The following ERP44 variants were observed in gnomAD, a reference collection of about 807,000 sequenced individuals.
ERP44 encodes endoplasmic reticulum resident protein 44.
Under a neutral mutation model 53.4 loss-of-function variants are expected in ERP44, and 25 were observed. The ratio of observed to expected loss-of-function variants is 0.47; its 90% CI spans 0.34 to 0.65. The LOEUF (loss-of-function observed/expected upper bound fraction) is 0.65. ERP44 is among the 30% of genes least tolerant of loss of function. ERP44 has a pLI of 0.01. For synonymous variants in ERP44, 145 were observed against 161.2 expected, an observed-to-expected ratio of 0.90 and a Z score of 0.76; for missense variants, 338 against 493.2, an observed-to-expected ratio of 0.69 and a Z score of 2.98.
intron 4 of ERP44, among the ~76,000 whole-genome samples, chr9:100,039,917 T>C (rs1290020261): frequency 3.3e-5 from 5 of 152,098 alleles, no homozygotes; most frequent in Non-Finnish European, 7.4e-5. Flanking sequence ...TTGGAAAATC[T>C]AGAAGAAACT....
chr9:99,991,929 A>C (rs1385808024), intron 10 of ERP44, among the ~76,000 whole-genome samples: 2 of 152,238 alleles, frequency 1.3e-5, no homozygotes, highest in African/African-American at 4.8e-5. Flanking sequence ...GAAATGGATA[A>C]ATTCCTGGAT....
chr9:100,098,775 C>A lies in ERP44; in HGVS notation c.57+9G>T, dbSNP rs577880811. On this transcript the variant is annotated intron_variant, in intron 1 of 11. Coordinates refer to ENST00000262455, the MANE Select transcript of ERP44 (RefSeq NM_015051.3). ...CGTTTGTCGATGGGTCTGTCATTCC[C>A]TCACTCACCAGGAGCAGAAGGGAGC... 9.3e-6 allele frequency: 15 copies of A among 1,612,968 alleles called. No homozygotes were observed. In the Middle Eastern group the frequency reaches 9.9e-4, roughly 106 times the overall value.
At chr9:100,079,411 T>TTTAC (rs1826395573) in intron 1 of ERP44, among the ~76,000 whole-genome samples, 2 of 98,998 alleles carry the variant, frequency 2.0e-5, no homozygotes, top group South Asian at 7.5e-4. Context: ...TAAACTCCCC[T>TTTAC]TTACACACAC....
chr9:100,069,466 A>T (rs1365574202), intron 1 of ERP44, among the ~76,000 whole-genome samples: 1 of 152,192 alleles, frequency 6.6e-6, no homozygotes, highest in Non-Finnish European at 1.5e-5. Flanking sequence ...AAAGATATTT[A>T]CTAAGGCTGT....
intron 8 of ERP44, among the ~76,000 whole-genome samples, chr9:100,015,558 C>T (rs1450694273): frequency 6.6e-6 from 1 of 152,178 alleles, no homozygotes; most frequent in African/African-American, 2.4e-5. Flanking sequence ...TACCTGCTTT[C>T]ATTATTTATA....
chr9:100,030,467 T>A (rs1029050570), intron 4 of ERP44, among the ~76,000 whole-genome samples: 3 of 152,136 alleles, frequency 2.0e-5, no homozygotes, highest in African/African-American at 7.2e-5. Flanking sequence ...AAGAGTGGGT[T>A]AAAGGCCCCT....
At chr9:100,094,016 T>C (rs1826594626) in intron 1 of ERP44, among the ~76,000 whole-genome samples, 1 of 152,214 alleles carries the variant, frequency 6.6e-6, no homozygotes, top group African/African-American at 2.4e-5. Flanking sequence ...CCTTTTGCCC[T>C]AGCAACTGCA....
intron 4 of ERP44, among the ~76,000 whole-genome samples, chr9:100,035,684 A>T (rs905368246): frequency 2.0e-5 from 3 of 151,976 alleles, no homozygotes; most frequent in African/African-American, 7.3e-5. Context: ...TTAAAAAAAT[A>T]AGAATAAAAA....
intron 11 of ERP44, among the ~76,000 whole-genome samples, chr9:99,984,333 CTT>C (rs1001541295): frequency 2.0e-5 from 3 of 151,522 alleles, no homozygotes; most frequent in African/African-American, 7.3e-5. Flanking sequence ...AAAATGCAAA[CTT>C]AGGGCTGTTT....
chr9:100,014,971 C>T (rs1409304740), intron 8 of ERP44, among the ~76,000 whole-genome samples: 1 of 152,228 alleles, frequency 6.6e-6, no homozygotes, highest in African/African-American at 2.4e-5. Context: ...GTCTTCTAGG[C>T]TGCAGACTGC....
At chr9:100,080,579 T>C (rs1369237627) in intron 1 of ERP44, among the ~76,000 whole-genome samples, 1 of 152,046 alleles carries the variant, frequency 6.6e-6, no homozygotes, top group African/African-American at 2.4e-5. Context: ...ACATAATATG[T>C]ATGATGCATA....
chr9:100,068,166 C>G (rs1213636931), intron 1 of ERP44, among the ~76,000 whole-genome samples: 1 of 146,204 alleles, frequency 6.8e-6, no homozygotes, highest in Non-Finnish European at 1.5e-5. Flanking sequence ...AAGTGAGGAG[C>G]CCCTCTCCCC....
intron 4 of ERP44, among the ~76,000 whole-genome samples, chr9:100,044,125 T>A (rs1418388715): frequency 6.6e-6 from 1 of 152,210 alleles, no homozygotes; most frequent in Non-Finnish European, 1.5e-5. Context: ...GGGTATAAAC[T>A]ATGGCAGTAT....
rs571667377 is a variant in ERP44 at position 100,034,473 on chromosome 9, T to A, written c.287-12247A>T. On this transcript the variant is annotated intron_variant, in intron 4 of 11. Coordinates refer to ENST00000262455, the MANE Select transcript of ERP44 (RefSeq NM_015051.3). The stretch of plus-strand genomic sequence containing the variant: ...TATAATAAAGAAGTAACCATAAAAA[T>A]AGCCAGCCAGCAGCCCTTGCGGCTG... Among the ~76,000 whole-genome samples, 4 of 152,240 alleles carry A rather than the reference T, an allele frequency of 2.6e-5. No homozygotes were observed. The South Asian group carries it at 8.3e-4, about 32-fold the overall frequency.
chr9:99,999,823 T>C (rs1830358832), intron 10 of ERP44, among the ~76,000 whole-genome samples: 1 of 152,222 alleles, frequency 6.6e-6, no homozygotes, highest in Non-Finnish European at 1.5e-5. Flanking sequence ...TATGTTAATG[T>C]CTTTAATCTA....
Position 99,981,537 on chromosome 9 carries a change from C to A in ERP44, c.*1075G>T, listed in dbSNP as rs972525705. ...TGTCTGTCCTCTGGCACTGGGCTTC[C>A]TGATATGACACTGAGGGTCCTCTCC... On this transcript the variant is annotated 3_prime_UTR_variant, in exon 12 of 12. Coordinates refer to ENST00000262455, the MANE Select transcript of ERP44 (RefSeq NM_015051.3). 2.6e-5 allele frequency: 4 copies of A among 152,590 alleles called. No individual in the cohort carries two copies. The highest frequency in any genetic ancestry group is 5.9e-5 in the Non-Finnish European group (4 of 68,046). The allele number at this position is 152,590 out of a possible 1,614,324, so 9.5% of individuals were successfully genotyped here.
intron 10 of ERP44, among the ~76,000 whole-genome samples, chr9:99,992,657 T>C (rs1830268226): frequency 6.6e-6 from 1 of 152,184 alleles, no homozygotes; most frequent in South Asian, 2.1e-4. Flanking sequence ...GTGTTGGAAG[T>C]TCTGGCCACG....
At chr9:100,091,786 T>C (rs1052470309) in intron 1 of ERP44, among the ~76,000 whole-genome samples, 8 of 152,206 alleles carry the variant, frequency 5.3e-5, no homozygotes, top group African/African-American at 1.7e-4. Flanking sequence ...ATGAATCATC[T>C]GGGTATAAGT....
intron 10 of ERP44, among the ~76,000 whole-genome samples, chr9:100,006,210 C>A (rs926327694): frequency 6.6e-6 from 1 of 152,158 alleles, no homozygotes; most frequent in Non-Finnish European, 1.5e-5. Flanking sequence ...TAATTTCTCA[C>A]AAGACAAAAA....
Sources: gnomAD v4.1 joint callset for allele counts (sites outside exome capture counted in the v4.1 genomes callset) on GRCh38, gnomAD v4.1.1 for gene constraint, MANE v1.5 for transcripts, NCBI Gene and HGNC (gene_info 2026-07-23, HGNC 2026-07-21) for gene names.